TMEM69: variants seen among roughly 807,000 people sequenced by gnomAD.
TMEM69 encodes chromosome 1 open reading frame 154.
Under a neutral mutation model 15.8 loss-of-function variants are expected in TMEM69, and 17 were observed. The ratio of observed to expected loss-of-function variants is 1.07; its 90% confidence interval spans 0.73 to 1.61. The LOEUF (loss-of-function observed/expected upper bound fraction) is 1.61. Among genes scored for constraint, TMEM69 ranks in the 40% most tolerant of loss-of-function variants. The pLI is 0.00. For missense variants in TMEM69, 230 were observed against 286.1 expected (o/e 0.80, Z 1.41); for synonymous variants, 80 against 98.6 (o/e 0.81, Z 1.12).
intron 1 of TMEM69, 63 bp from the exon 2 acceptor site, chr1:45,690,908 TTAC>T (rs761223753): frequency 1.0e-4 from 69 of 692,622 alleles, no homozygotes; most frequent in Non-Finnish European, 1.2e-4. Flanking sequence ...TATTCATGAA[TTAC>T]TACTATTTAA....
At chr1:45,692,433 C>T (rs1407693800) in intron 2 of TMEM69, among the ~76,000 whole-genome samples, 1 of 152,110 alleles carries the variant, frequency 6.6e-6, no homozygotes, top group Admixed American at 6.5e-5. Flanking sequence ...AACACAGAAT[C>T]AGCAGGAAAG....
chr1:45,693,390 C>G lies in TMEM69; in HGVS notation c.229C>G (p.Gln77Glu). Residue 77 changes from glutamine (Q) to glutamate (E), a missense_variant, in exon 3 of 3, where the codon CAA (glutamine) becomes GAA (glutamate). Coordinates refer to ENST00000372025, the MANE Select transcript of TMEM69 (RefSeq NM_016486.4). ...CTGCAGCTTTAAAAAGCAGCAGAAG[C>G]AAGCACTTCTAGCCAGACCCTCAAG... is the stretch of plus-strand genomic sequence containing the variant. ...SPCSFKKQQK[Q>E]ALLARPSSTI... The G allele has an allele frequency of 6.2e-7, 1 of 1,614,202 alleles. No homozygotes were observed. Among genetic ancestry groups the G allele is most frequent in the Non-Finnish European group, 8.5e-7 (1 of 1,180,028 alleles).
At chr1:45,690,633 T>G (rs936104510) in intron 1 of TMEM69, among the ~76,000 whole-genome samples, 3 of 152,142 alleles carry the variant, frequency 2.0e-5, no homozygotes, top group Non-Finnish European at 4.4e-5. Context: ...CAGTTTTGTT[T>G]TGGTTTTTTT....
rs150511863 is a variant in TMEM69 at position 45,691,020 on chromosome 1, T to C, written c.-49T>C. On this transcript the variant is annotated 5_prime_UTR_variant, in exon 2 of 3. Coordinates refer to ENST00000372025, the MANE Select transcript of TMEM69 (RefSeq NM_016486.4). ...CCTCTGCTTAGCTGTAACATGTTAA[T>C]CAGAACTACCTGGCATCTTCCTGAA... is the stretch of plus-strand genomic sequence containing the variant. 1.9e-5 allele frequency: 30 copies of C among 1,610,372 alleles called. No homozygotes were observed. The East Asian group carries it at 6.5e-4, about 35-fold the overall frequency.
intron 2 of TMEM69, 144 bp downstream of exon 2, chr1:45,691,254 T>A: frequency 1.3e-6 from 1 of 765,262 alleles, no homozygotes; most frequent in Non-Finnish European, 2.2e-6. Flanking sequence ...GTAAGTAAAA[T>A]GTTTATTATA....
chr1:45,691,451 G>A (rs544200426), intron 2 of TMEM69, among the ~76,000 whole-genome samples: 1 of 151,952 alleles, frequency 6.6e-6, no homozygotes, highest in East Asian at 1.9e-4. Flanking sequence ...GCTGAGAGAG[G>A]AGGATCGCTT....
intron 2 of TMEM69, among the ~76,000 whole-genome samples, chr1:45,691,730 A>AC (rs1186163004): frequency 2.9e-5 from 4 of 135,904 alleles, no homozygotes; most frequent in Non-Finnish European, 4.9e-5. Flanking sequence ...AGTCCCAGCT[A>AC]CCTGGGGGGC....
chr1:45,693,148 C>A, intron 2 of TMEM69, 56 bp from the exon 3 acceptor site: 1 of 1,306,270 alleles, frequency 7.7e-7, no homozygotes, highest in Non-Finnish European at 1.1e-6. Flanking sequence ...TGACTAAAAT[C>A]TGATGATACA....
chr1:45,692,480 G>A (rs1645350938), intron 2 of TMEM69, among the ~76,000 whole-genome samples: 1 of 152,112 alleles, frequency 6.6e-6, no homozygotes, highest in African/African-American at 2.4e-5. Context: ...AAGGCAGTGG[G>A]GATTTTAAGG....
At chr1:45,690,761 C>A (rs1212169390) in intron 1 of TMEM69, among the ~76,000 whole-genome samples, 1 of 152,074 alleles carries the variant, frequency 6.6e-6, no homozygotes, top group African/African-American at 2.4e-5. Context: ...TCTGTAAAAT[C>A]TCTATGTGCA....
At position 45,693,655 on chromosome 1, in the gene TMEM69, G is replaced by A. The variant is rs1373503510; in HGVS notation, c.494G>A (p.Ser165Asn). The A allele has an allele frequency of 6.2e-7, 1 of 1,614,054 alleles. No homozygotes were observed. Among genetic ancestry groups the A allele is most frequent in the African/African-American group, 1.3e-5 (1 of 74,920 alleles). The change falls in exon 3 of 3, where the codon AGT becomes AAT. Residue 165 changes from serine to asparagine, a missense_variant. By Grantham distance (46) the Ser-to-Asn change is conservative. Coordinates refer to ENST00000372025, the MANE Select transcript of TMEM69 (RefSeq NM_016486.4). ...AKPDYLNLAS[S>N]AAPLFFSWFA... ...CCAGACTACCTTAATTTAGCTAGCA[G>A]TGCAGCTCCTCTTTTCTTTTCATGG...
Position 45,693,783 on chromosome 1 carries a change from C to T in TMEM69, c.622C>T (p.Pro208Ser). Residue 208 changes from proline (P) to serine (S), a missense_variant, in exon 3 of 3, where the codon CCC becomes TCC. Physicochemically the swap from Pro to Ser is moderately conservative, Grantham distance 74 (BLOSUM62 -1). Transcript: ENST00000372025. ...TGAACTTTTTCTCTTACCACATTAT[C>T]CCAACTGGTTTAAAGCCCTGAGGAT... ...HLELFLLPHYPNWFKALRIVV... is the reference protein window; with the variant it reads ...HLELFLLPHYSNWFKALRIVV... The T allele has an allele frequency of 6.2e-7, 1 of 1,614,150 alleles. No homozygotes were observed. The highest frequency in any genetic ancestry group is 1.7e-5 in the Admixed American group (1 of 60,026).
rs1645363018 is a variant in TMEM69, at chr1:45,693,811, T to C, written c.650T>C (p.Val217Ala). The C allele has an allele frequency of 1.9e-6, 3 of 1,614,192 alleles. No homozygotes were observed. Among genetic ancestry groups the C allele is most frequent in the Non-Finnish European group, 1.7e-6 (2 of 1,180,010 alleles). ...YPNWFKALRI[V>A]VTLLATFSFI... ...AACTGGTTTAAAGCCCTGAGGATAGTAGTCACTTTATTGGCCACTTTTTCA... is the reference window on the plus strand; with the variant it reads ...AACTGGTTTAAAGCCCTGAGGATAGCAGTCACTTTATTGGCCACTTTTTCA... Residue 217 changes from valine to alanine, a missense_variant, in exon 3 of 3, where the codon GTA becomes GCA. Physicochemically the swap from Val to Ala is moderately conservative, Grantham distance 64. Coordinates refer to ENST00000372025, the MANE Select transcript of TMEM69 (RefSeq NM_016486.4).
rs778627158 is a variant in TMEM69 at position 45,693,253 on chromosome 1, T to C, written c.92T>C (p.Ile31Thr). The C allele has an allele frequency of 3.4e-5, 55 of 1,614,070 alleles. No homozygotes were observed. Among genetic ancestry groups the C allele is most frequent in the Admixed American group, 8.3e-5 (5 of 59,990 alleles). ...GGACTAAGAACCAGCAGAACAGATA[T>C]ACTTTCTCTCAAGATGTCTCTCCAG... is the stretch of plus-strand genomic sequence containing the variant. ...PVGLRTSRTDILSLKMSLQQN... is the reference protein window; with the variant it reads ...PVGLRTSRTDTLSLKMSLQQN... The change falls in exon 3 of 3, where the codon ATA (isoleucine) becomes ACA (threonine). Residue 31 changes from isoleucine (I) to threonine (T), a missense_variant. Physicochemically the swap from Ile to Thr is moderately conservative, Grantham distance 89. Coordinates refer to ENST00000372025, the MANE Select transcript of TMEM69 (RefSeq NM_016486.4).
In TMEM69 at chr1:45,693,725, A is replaced by C. The variant is rs1430269440; in HGVS notation, c.564A>C (p.Thr188=). Reference sequence around the variant, plus strand: ...AAAGACTTAGTGAAGCCATAGTCACAGTAATAATGGGTATGGGAGTAGCAT... The same window carrying C: ...AAAGACTTAGTGAAGCCATAGTCACCGTAATAATGGGTATGGGAGTAGCAT... ...ISERLSEAIV[T]VIMGMGVAFH... Residue 188 remains threonine, a synonymous_variant, in exon 3 of 3, where the codon ACA becomes ACC. Coordinates refer to ENST00000372025, the MANE Select transcript of TMEM69 (RefSeq NM_016486.4). The C allele has an allele frequency of 4.3e-6, 7 of 1,614,248 alleles. No homozygotes were observed. The South Asian group carries it at 6.6e-5, about 15-fold the overall frequency.
At chr1:45,689,968 T>C (rs1014027099) in intron 1 of TMEM69, among the ~76,000 whole-genome samples, 1 of 151,888 alleles carries the variant, frequency 6.6e-6, no homozygotes. Flanking sequence ...GCAGTCCAGA[T>C]TGGGTGACAG....
rs181135657 is a variant in TMEM69, at chr1:45,691,438, G to C, written c.42+328G>C. 3.3e-5 allele frequency among the ~76,000 whole-genome samples: 5 copies of C among 152,254 alleles called. 1 individual carries two copies. The highest frequency in any genetic ancestry group is 3.3e-4 in the Admixed American group (5 of 15,300). On this transcript the variant is annotated intron_variant, in intron 2 of 2. Coordinates refer to ENST00000372025, the MANE Select transcript of TMEM69 (RefSeq NM_016486.4). ...CACGCCTATAGCCCCAGCTACCTGG[G>C]AGGCTGAGAGAGGAGGATCGCTTGA...
intron 2 of TMEM69, 22 bp from the exon 3 acceptor site, chr1:45,693,180 CTT>C: frequency 6.6e-7 from 1 of 1,507,094 alleles, no homozygotes; most frequent in South Asian, 1.3e-5. Flanking sequence ...TTAATTTTGT[CTT>C]TTGGTTCTAT....
chr1:45,689,154 C>T (rs1334735292), intron 1 of TMEM69, among the ~76,000 whole-genome samples: 3 of 151,998 alleles, frequency 2.0e-5, no homozygotes, highest in Non-Finnish European at 4.4e-5. Flanking sequence ...GTGATCCACC[C>T]ACCTCGGCCT....
Sources: gnomAD v4.1 joint callset for allele counts (sites outside exome capture counted in the v4.1 genomes callset) on GRCh38, gnomAD v4.1.1 for gene constraint, MANE v1.5 for transcripts, NCBI Gene and HGNC (gene_info 2026-07-23, HGNC 2026-07-21) for gene names.